Variants in SPOCK3 observed in about 807,000 individuals in gnomAD.
The protein encoded by SPOCK3 is testican-3.
A neutral mutation model predicts 56.6 loss-of-function variants in SPOCK3; 30 were observed. That is an observed-to-expected ratio of 0.53 (90% CI 0.40 to 0.72). SPOCK3 has a LOEUF of 0.72. Ranked by LOEUF, SPOCK3 falls within the 30% of genes least tolerant of loss-of-function variation. The pLI is 0.00. For synonymous variants in SPOCK3, 196 were observed against 183.3 expected, an observed-to-expected ratio of 1.07 and a Z score of -0.56; for missense variants, 527 against 530.0, an observed-to-expected ratio of 0.99 and a Z score of 0.06.
At chr4:167,125,238 T>C (rs1055329472) in intron 2 of SPOCK3, among the ~76,000 whole-genome samples, 12 of 148,814 alleles carry the variant, frequency 8.1e-5, no homozygotes, top group African/African-American at 2.9e-4. Flanking sequence ...TTTTTATTTA[T>C]TTTTATTTTT....
chr4:166,922,314 CA>C (rs1360285407), intron 4 of SPOCK3, among the ~76,000 whole-genome samples: 1 of 152,060 alleles, frequency 6.6e-6, no homozygotes, highest in African/African-American at 2.4e-5. Context: ...TATTTGTGGA[CA>C]AAAAAGTAGG....
intron 4 of SPOCK3, among the ~76,000 whole-genome samples, chr4:166,979,586 C>T (rs960171137): frequency 2.6e-5 from 4 of 152,102 alleles, no homozygotes; most frequent in Non-Finnish European, 5.9e-5. Flanking sequence ...CCAACAACCA[C>T]CTTCACCTTA....
chr4:166,969,786 C>T (rs545104506), intron 4 of SPOCK3, among the ~76,000 whole-genome samples: 118 of 152,228 alleles, frequency 7.8e-4, no homozygotes, highest in Non-Finnish European at 1.4e-3. Context: ...AAGGCTAATC[C>T]AATACCAGTC....
intron 7 of SPOCK3, among the ~76,000 whole-genome samples, chr4:166,755,511 A>C (rs547892899): frequency 1.4e-4 from 21 of 152,230 alleles, no homozygotes; most frequent in Admixed American, 5.2e-4. Flanking sequence ...TATTTTAAAA[A>C]TTTGCTTTCA....
intron 2 of SPOCK3, among the ~76,000 whole-genome samples, chr4:167,233,780 C>T (rs1378139949): frequency 6.6e-6 from 1 of 152,000 alleles, no homozygotes. Context: ...ACCTGAACTC[C>T]TGTGCATCCA....
intron 2 of SPOCK3, among the ~76,000 whole-genome samples, chr4:167,088,437 T>C (rs1758397284): frequency 1.3e-5 from 2 of 151,820 alleles, no homozygotes; most frequent in South Asian, 2.1e-4. Flanking sequence ...GTGTAGGTTG[T>C]CTTGCAAATA....
intron 2 of SPOCK3, among the ~76,000 whole-genome samples, chr4:167,077,269 TACAC>T (rs553960996): frequency 6.7e-6 from 1 of 149,614 alleles, no homozygotes; most frequent in Admixed American, 6.7e-5. Flanking sequence ...TCATTCTACA[TACAC>T]ACACACACAC....
At chr4:167,045,724 C>CA (rs1753653342) in intron 3 of SPOCK3, among the ~76,000 whole-genome samples, 2 of 151,938 alleles carry the variant, frequency 1.3e-5, no homozygotes, top group African/African-American at 4.8e-5. Flanking sequence ...TCCTTCTTTC[C>CA]ATAACTTTGC....
intron 6 of SPOCK3, among the ~76,000 whole-genome samples, chr4:166,886,318 C>G (rs1055408859): frequency 6.6e-6 from 1 of 151,998 alleles, no homozygotes; most frequent in African/African-American, 2.4e-5. Context: ...AGGAGGGAAT[C>G]CATTAAAGGG....
At chr4:166,799,390 A>T (rs1373654556) in intron 6 of SPOCK3, among the ~76,000 whole-genome samples, 1 of 152,158 alleles carries the variant, frequency 6.6e-6, no homozygotes, top group Non-Finnish European at 1.5e-5. Flanking sequence ...TGGATCAAGG[A>T]GTAACAGCAG....
At chr4:167,133,841 A>G (rs1762882862) in intron 2 of SPOCK3, among the ~76,000 whole-genome samples, 1 of 152,050 alleles carries the variant, frequency 6.6e-6, no homozygotes, top group South Asian at 2.1e-4. Flanking sequence ...TCTGTTTAAA[A>G]CTACAAAATA....
intron 6 of SPOCK3, among the ~76,000 whole-genome samples, chr4:166,875,840 C>T (rs191090530): frequency 1.0e-3 from 153 of 152,250 alleles, no homozygotes; most frequent in African/African-American, 3.6e-3. Context: ...TGTGATGTTA[C>T]CACATTTTCA....
intron 3 of SPOCK3, among the ~76,000 whole-genome samples, chr4:167,054,166 G>C (rs1754531553): frequency 6.6e-6 from 1 of 152,130 alleles, no homozygotes; most frequent in Non-Finnish European, 1.5e-5. Context: ...GATCCTTGTA[G>C]ATAGGGTACC....
rs551145988 is a variant in SPOCK3 at position 167,182,684 on chromosome 4, C to T, written c.189+51301G>A. ...CCTCCTGAGTAGGTAGGATGGCCCG[C>T]GCGCCACTATGCCTGGCCAATTTTT... is the stretch of plus-strand genomic sequence containing the variant. On this transcript the variant is annotated intron_variant, in intron 2 of 10. Transcript: ENST00000357545. Among the ~76,000 whole-genome samples, 8 of 151,966 alleles carry T rather than the reference C, an allele frequency of 5.3e-5. No individual in the cohort carries two copies. The East Asian group carries it at 5.8e-4, about 11-fold the overall frequency.
chr4:166,989,507 G>C (rs985809643), intron 4 of SPOCK3, among the ~76,000 whole-genome samples: 2 of 152,030 alleles, frequency 1.3e-5, no homozygotes, highest in African/African-American at 2.4e-5. Flanking sequence ...TGTGTCTTAT[G>C]TGCTACAGCT....
chr4:166,856,042 A>G (rs1000361270), intron 6 of SPOCK3, among the ~76,000 whole-genome samples: 7 of 152,204 alleles, frequency 4.6e-5, no homozygotes, highest in African/African-American at 1.4e-4. Context: ...AGGTACAGCA[A>G]GATAAGTATG....
chr4:166,745,444 A>AT (rs759532625), intron 8 of SPOCK3, among the ~76,000 whole-genome samples: 71 of 152,292 alleles, frequency 4.7e-4, no homozygotes, highest in Non-Finnish European at 8.4e-4. Flanking sequence ...ATGCTGAGGG[A>AT]TTTTCTCACC....
chr4:166,747,436 C>A (rs1396133305), intron 8 of SPOCK3, among the ~76,000 whole-genome samples: 4 of 152,078 alleles, frequency 2.6e-5, no homozygotes, highest in Admixed American at 2.6e-4. Flanking sequence ...ATTCAACAGC[C>A]CTTCATGCTA....
At chr4:166,921,575 C>A (rs1424162787) in intron 4 of SPOCK3, among the ~76,000 whole-genome samples, 3 of 152,118 alleles carry the variant, frequency 2.0e-5, no homozygotes, top group Non-Finnish European at 4.4e-5. Context: ...CTTGGCCTCC[C>A]AAAGTGCTGT....
Sources: gnomAD v4.1 joint callset for allele counts (sites outside exome capture counted in the v4.1 genomes callset) on GRCh38, gnomAD v4.1.1 for gene constraint, MANE v1.5 for transcripts, NCBI Gene and HGNC (gene_info 2026-07-23, HGNC 2026-07-21) for gene names.